The following NUMB variants were observed in gnomAD, a reference collection of about 807,000 sequenced individuals.
NUMB encodes NUMB endocytic adaptor protein, also known as protein numb homolog.
Under a neutral mutation model 59.7 loss-of-function variants are expected in NUMB, and 29 were observed. The observed-to-expected ratio is 0.49, with a 90% confidence interval of 0.36 to 0.66. NUMB has a LOEUF of 0.66. NUMB is among the 30% of genes least tolerant of loss of function. NUMB has a pLI of 0.00. For missense variants in NUMB, 723 were observed against 822.0 expected (o/e 0.88, Z 1.47); for synonymous variants, 288 against 288.2 (o/e 1.00, Z 0.01).
chr14:73,290,362 T>C (rs1295803985), intron 8 of NUMB, among the ~76,000 whole-genome samples: 1 of 152,240 alleles, frequency 6.6e-6, no homozygotes, highest in African/African-American at 2.4e-5. Flanking sequence ...AGTGTGCTTA[T>C]AATCTTTATC....
intron 3 of NUMB, 115 bp from the exon 4 acceptor site, chr14:73,355,881 T>C (rs1471347476): frequency 7.0e-6 from 5 of 714,596 alleles, no homozygotes; most frequent in Non-Finnish European, 1.1e-5. Context: ...TTTTGGGTTT[T>C]ATTTAAGCAA....
At chr14:73,278,864 A>T (rs564779033) in intron 12 of NUMB, among the ~76,000 whole-genome samples, 2 of 149,962 alleles carry the variant, frequency 1.3e-5, no homozygotes, top group Non-Finnish European at 3.0e-5. Context: ...AGTAGCTGGG[A>T]CTATATGCGC....
intron 2 of NUMB, among the ~76,000 whole-genome samples, chr14:73,386,183 T>C (rs905259906): frequency 3.3e-5 from 5 of 152,186 alleles, no homozygotes; most frequent in Middle Eastern, 3.4e-3. Context: ...GACTACAGCA[T>C]GCTATGATGG....
intron 6 of NUMB, chr14:73,297,862 C>T (rs963058499): frequency 6.6e-6 from 1 of 152,038 alleles, no homozygotes; most frequent in Non-Finnish European, 1.5e-5. Flanking sequence ...TTTGTTCTCT[C>T]AGAGTTAACA....
chr14:73,435,672 C>A (rs1174735746), intron 1 of NUMB, among the ~76,000 whole-genome samples: 1 of 152,006 alleles, frequency 6.6e-6, no homozygotes, highest in Non-Finnish European at 1.5e-5. Context: ...ACAATACTTG[C>A]AAAGCAGTGT....
intron 1 of NUMB, among the ~76,000 whole-genome samples, chr14:73,444,398 CAAA>C (rs568526693): frequency 7.0e-5 from 5 of 70,956 alleles, no homozygotes; most frequent in Admixed American, 1.6e-4. Context: ...GACTCCATCT[CAAA>C]AAAAAAAAAA....
chr14:73,371,847 C>T (rs867203092), intron 2 of NUMB, among the ~76,000 whole-genome samples: 1 of 152,140 alleles, frequency 6.6e-6, no homozygotes, highest in Non-Finnish European at 1.5e-5. Flanking sequence ...TTGGACTTTC[C>T]AGCCACCAGA....
rs1231873732 is a variant in NUMB at position 73,422,917 on chromosome 14, A to AAC, written c.-232-12850_-232-12849insGT. On this transcript the variant is annotated intron_variant, in intron 1 of 12. Transcript: ENST00000555238. The stretch of plus-strand genomic sequence containing the variant: ...GGAAGAGATCCTGTCTCAAAAAAAA[A>AAC]AAAAAAAACTGTTATATTCCCAGAT... 2.2e-4 allele frequency among the ~76,000 whole-genome samples: 33 copies of AAC among 151,872 alleles called. 1 individual carries two copies. Among genetic ancestry groups the AAC allele is most frequent in the East Asian group, 1.5e-3 (8 of 5,176 alleles).
At chr14:73,447,637 C>A (rs1168767040) in intron 1 of NUMB, among the ~76,000 whole-genome samples, 7 of 139,218 alleles carry the variant, frequency 5.0e-5, no homozygotes, top group Non-Finnish European at 3.2e-5. Context: ...GAAAAAAAAA[C>A]AAACAAACCT....
intron 7 of NUMB, among the ~76,000 whole-genome samples, chr14:73,293,994 T>C (rs1001472104): frequency 6.6e-6 from 1 of 152,252 alleles, no homozygotes; most frequent in Admixed American, 6.5e-5. Flanking sequence ...AAGTTAGGTC[T>C]TTATTGATTG....
intron 2 of NUMB, among the ~76,000 whole-genome samples, chr14:73,394,339 A>C (rs568630576): frequency 6.6e-6 from 1 of 151,742 alleles, no homozygotes; most frequent in Non-Finnish European, 1.5e-5. Context: ...TAACATATCC[A>C]TCACCTCACA....
intron 1 of NUMB, among the ~76,000 whole-genome samples, chr14:73,413,926 TTTTAAA>T (rs1190053450): frequency 6.6e-6 from 1 of 152,062 alleles, no homozygotes; most frequent in African/African-American, 2.4e-5. Flanking sequence ...AATTTTACTG[TTTTAAA>T]TTTAATTATC....
chr14:73,372,323 A>ATATATAACCTTT (rs1555375707), intron 2 of NUMB, among the ~76,000 whole-genome samples: 1 of 109,378 alleles, frequency 9.1e-6, no homozygotes, highest in African/African-American at 3.3e-5. Context: ...ATATATATAT[A>ATATATAACCTTT]TATATATATA....
chr14:73,336,402 T>C (rs957042755), intron 4 of NUMB, among the ~76,000 whole-genome samples: 2 of 152,220 alleles, frequency 1.3e-5, no homozygotes, highest in African/African-American at 4.8e-5. Flanking sequence ...CACGAGAGAA[T>C]GATAATCAGC....
At chr14:73,424,400 T>A (rs577040089) in intron 1 of NUMB, among the ~76,000 whole-genome samples, 1 of 152,102 alleles carries the variant, frequency 6.6e-6, no homozygotes, top group African/African-American at 2.4e-5. Flanking sequence ...ACCTTTGCAT[T>A]TGGGGACAAA....
At position 73,284,284 on chromosome 14, in the gene NUMB, G is replaced by T; in HGVS notation, c.746C>A (p.Ala249Asp). Residue 249 changes from alanine to aspartate, a missense_variant, in exon 10 of 13, where the codon GCC becomes GAC. This residue lies in a region of NUMB where 317 missense variants were observed against 436.6 expected (regional missense o/e 0.73). Coordinates refer to ENST00000555238, the MANE Select transcript of NUMB (RefSeq NM_001005743.2). ...ATTGTTCATCTCCAGAGAGGTCGTG[G>T]CATCAGAAGTAGGAGAGGTGGGAGA... is the stretch of plus-strand genomic sequence containing the variant. ...PSSPTSPTSDATTSLEMNNPH... is the reference protein window; with the variant it reads ...PSSPTSPTSDDTTSLEMNNPH... 6.2e-7 allele frequency: 1 copy of T among 1,614,202 alleles called. No individual in the cohort carries two copies. Among genetic ancestry groups the T allele is most frequent in the South Asian group, 1.1e-5 (1 of 91,084 alleles).
At chr14:73,367,314 C>T (rs1366588738) in intron 2 of NUMB, among the ~76,000 whole-genome samples, 1 of 125,680 alleles carries the variant, frequency 8.0e-6, no homozygotes, top group Non-Finnish European at 1.6e-5. Context: ...CACACACACA[C>T]ACACACACAT....
At chr14:73,426,312 A>C (rs116728714) in intron 1 of NUMB, among the ~76,000 whole-genome samples, 2,098 of 152,316 alleles carry the variant, frequency 0.014, 49 homozygotes, top group African/African-American at 0.048. Flanking sequence ...CAAAGTGGTA[A>C]GGCCTCTGAA....
intron 1 of NUMB, among the ~76,000 whole-genome samples, chr14:73,440,166 C>A (rs1566798076): frequency 6.7e-6 from 1 of 148,984 alleles, no homozygotes; most frequent in African/African-American, 2.5e-5. Flanking sequence ...GTAATGGTCT[C>A]AACTAATGCT....
Sources: gnomAD v4.1 joint callset for allele counts (sites outside exome capture counted in the v4.1 genomes callset) on GRCh38, gnomAD v4.1.1 for gene constraint, gnomAD v4.1.1 regional missense constraint, MANE v1.5 for transcripts, NCBI Gene and HGNC (gene_info 2026-07-23, HGNC 2026-07-21) for gene names.